The following PDE1A variants were observed in gnomAD, a reference collection of about 807,000 sequenced individuals.
The protein encoded by PDE1A is dual specificity calcium/calmodulin-dependent 3',5'-cyclic nucleotide phosphodiesterase 1A.
In PDE1A, 35 loss-of-function variants were observed where a neutral mutation model predicts 61.7. That is an observed-to-expected ratio of 0.57 (90% CI 0.43 to 0.75). The LOEUF is 0.75. Among genes scored for constraint, PDE1A ranks in the 30% least tolerant of loss-of-function variants. The pLI is 0.00. For synonymous variants in PDE1A, 232 were observed against 213.2 expected, an observed-to-expected ratio of 1.09 and a Z score of -0.77; for missense variants, 597 against 630.6, an observed-to-expected ratio of 0.95 and a Z score of 0.57.
chr2:182,448,626 T>C lies in PDE1A; in HGVS notation c.101+73650A>G, dbSNP rs568585580. Among the ~76,000 whole-genome samples, 19 of 152,204 alleles carry C rather than the reference T, an allele frequency of 1.2e-4. No individual in the cohort carries two copies. In the South Asian group the frequency reaches 3.9e-3, roughly 32 times the overall value. ...TTCCACATTATATCCAAAAAAACTA[T>C]CACCCACTGCTAATGACTGTGCATG... is the stretch of plus-strand genomic sequence containing the variant. On this transcript the variant is annotated intron_variant, in intron 2 of 14. Transcript: ENST00000410103.
At chr2:182,181,972 T>G (rs1237077062) in intron 13 of PDE1A, among the ~76,000 whole-genome samples, 3 of 152,220 alleles carry the variant, frequency 2.0e-5, no homozygotes, top group South Asian at 4.1e-4. Flanking sequence ...AGTTTTATAC[T>G]GTTCCATAAT....
At chr2:182,604,631 G>A in the PDE1A span, among the ~76,000 whole-genome samples, 4 of 152,210 alleles carry the variant, frequency 2.6e-5, no homozygotes, top group East Asian at 1.9e-4. Context: ...TAGTCTATAC[G>A]TATTTTATTA....
intron 10 of PDE1A, among the ~76,000 whole-genome samples, chr2:182,196,813 C>T (rs1367899323): frequency 6.6e-6 from 1 of 151,532 alleles, no homozygotes; most frequent in East Asian, 1.9e-4. Context: ...TATTTTTTAT[C>T]CATTTCTATT....
intron 2 of PDE1A, among the ~76,000 whole-genome samples, chr2:182,478,003 A>C (rs533545478): frequency 1.3e-5 from 2 of 152,026 alleles, no homozygotes; most frequent in South Asian, 4.1e-4. Context: ...TTGCCGTGAC[A>C]AAGGACAGCT....
the PDE1A span, among the ~76,000 whole-genome samples, chr2:182,562,295 T>C: frequency 6.6e-6 from 1 of 151,348 alleles, no homozygotes; most frequent in Non-Finnish European, 1.5e-5. Context: ...AGGCCTTTTC[T>C]GCATCTATTG....
intron 1 of PDE1A, among the ~76,000 whole-genome samples, chr2:182,372,366 GATAA>G (rs1305631795): frequency 2.0e-5 from 3 of 152,126 alleles, no homozygotes; most frequent in African/African-American, 2.4e-5. Context: ...ATAACTGTTT[GATAA>G]ATAAAATGAT....
chr2:182,619,707 G>C, the PDE1A span, among the ~76,000 whole-genome samples: 2 of 152,110 alleles, frequency 1.3e-5, no homozygotes, highest in African/African-American at 2.4e-5. Context: ...AGACATGCAA[G>C]TTCAGGAGTT....
chr2:182,376,218 A>G (rs1375891680), intron 1 of PDE1A, among the ~76,000 whole-genome samples: 2 of 152,176 alleles, frequency 1.3e-5, no homozygotes, highest in Non-Finnish European at 2.9e-5. Context: ...TTCCTATTGC[A>G]TTGTTAGGCT....
chr2:182,373,399 C>A (rs945317999), intron 1 of PDE1A, among the ~76,000 whole-genome samples: 1 of 152,120 alleles, frequency 6.6e-6, no homozygotes, highest in East Asian at 1.9e-4. Context: ...ATTACTTCTT[C>A]GACAATCTAT....
chr2:182,612,905 A>G, the PDE1A span, among the ~76,000 whole-genome samples: 6 of 152,202 alleles, frequency 3.9e-5, no homozygotes, highest in African/African-American at 1.2e-4. Context: ...GGCCTCCTCC[A>G]TAAGCCACCA....
At chr2:182,437,545 C>T (rs1315202542) in intron 2 of PDE1A, among the ~76,000 whole-genome samples, 1 of 151,866 alleles carries the variant, frequency 6.6e-6, no homozygotes, top group Non-Finnish European at 1.5e-5. Flanking sequence ...ATGTACCAGG[C>T]ACTGCTGAGG....
chr2:182,698,285 G>T, the PDE1A span, among the ~76,000 whole-genome samples: 1 of 152,160 alleles, frequency 6.6e-6, no homozygotes, highest in South Asian at 2.1e-4. Context: ...AAAAAATCCT[G>T]CAGGAATCTA....
At chr2:182,405,362 A>T (rs978370129) in intron 1 of PDE1A, among the ~76,000 whole-genome samples, 1 of 152,238 alleles carries the variant, frequency 6.6e-6, no homozygotes, top group African/African-American at 2.4e-5. Context: ...GCTTATTGCC[A>T]TCTAATACTG....
At chr2:182,658,828 T>A in the PDE1A span, among the ~76,000 whole-genome samples, 2 of 152,214 alleles carry the variant, frequency 1.3e-5, no homozygotes, top group African/African-American at 4.8e-5. Context: ...TTTCTCTTTG[T>A]ATGCATACAA....
chr2:182,687,554 A>G, the PDE1A span, among the ~76,000 whole-genome samples: 1 of 152,216 alleles, frequency 6.6e-6, no homozygotes. Context: ...ATCAAAGACC[A>G]AAGGTAGATA....
the PDE1A span, among the ~76,000 whole-genome samples, chr2:182,568,620 A>C: frequency 1.3e-5 from 2 of 151,882 alleles, no homozygotes; most frequent in Admixed American, 6.6e-5. Context: ...AGCCGAGATC[A>C]CACCACTGCC....
chr2:182,332,442 T>G (rs902566486), intron 1 of PDE1A, among the ~76,000 whole-genome samples: 3 of 152,206 alleles, frequency 2.0e-5, no homozygotes, highest in African/African-American at 7.2e-5. Flanking sequence ...TTCTGGGTTT[T>G]GGGAATTCTC....
intron 2 of PDE1A, among the ~76,000 whole-genome samples, chr2:182,446,271 C>A (rs1365970684): frequency 6.6e-6 from 1 of 152,052 alleles, no homozygotes; most frequent in Non-Finnish European, 1.5e-5. Flanking sequence ...AGATTGTGGA[C>A]CACTCAGCTC....
chr2:182,592,423 A>T, the PDE1A span, among the ~76,000 whole-genome samples: 3 of 152,370 alleles, frequency 2.0e-5, no homozygotes, highest in Non-Finnish European at 2.9e-5. Context: ...ATTAAGATTT[A>T]AATGGTGCTA....
Sources: allele counts gnomAD v4.1 joint callset (sites outside exome capture counted in the v4.1 genomes callset), GRCh38; gene constraint gnomAD v4.1.1; transcripts MANE v1.5; gene names NCBI Gene and HGNC (gene_info 2026-07-23, HGNC 2026-07-21).